HK1: variants seen among roughly 807,000 people sequenced by gnomAD.
The protein encoded by HK1 is hexokinase 1, also known as hexokinase-1.
Under a neutral mutation model 91.6 loss-of-function variants are expected in HK1, and 28 were observed. The observed-to-expected ratio is 0.31, with a 90% CI of 0.23 to 0.42. HK1 has a LOEUF of 0.42. Ranked by LOEUF, HK1 falls within the 10% of genes least tolerant of loss-of-function variation. The pLI is 1.00. For synonymous variants in HK1, 430 were observed against 468.1 expected (o/e 0.92, Z 1.05); for missense variants, 770 against 1,219.8 (o/e 0.63, Z 5.49).
intron 1 of HK1, among the ~76,000 whole-genome samples, chr10:69,273,469 G>A (rs937854859): frequency 2.0e-5 from 3 of 152,136 alleles, no homozygotes; most frequent in Admixed American, 2.0e-4. Flanking sequence ...GCCCACCTCG[G>A]CCTCCCAAAG....
upstream of HK1, chr10:69,315,948 T>C (rs765900624): frequency 9.3e-6 from 15 of 1,613,748 alleles, no homozygotes; most frequent in Non-Finnish European, 1.1e-5. Flanking sequence ...TCTGGGTGTA[T>C]ATCCAGATGG....
intron 1 of HK1, among the ~76,000 whole-genome samples, chr10:69,343,260 A>G (rs1848381633): frequency 1.3e-5 from 2 of 152,210 alleles, no homozygotes; most frequent in South Asian, 4.1e-4. Flanking sequence ...TAATAATAAT[A>G]GCTGATGTTT....
intron 15 of HK1, among the ~76,000 whole-genome samples, chr10:69,393,581 G>A (rs1186426421): frequency 6.6e-5 from 10 of 152,280 alleles, no homozygotes; most frequent in Non-Finnish European, 1.5e-4. Context: ...ATAGGCGTGA[G>A]CCACCGTGCC....
chr10:69,272,681 G>A (rs1169244811), intron 1 of HK1, among the ~76,000 whole-genome samples: 1 of 147,796 alleles, frequency 6.8e-6, no homozygotes, highest in Non-Finnish European at 1.5e-5. Context: ...CTTTCTAGCT[G>A]TTTGTAAGGG....
chr10:69,329,457 G>A (rs1238674405), intron 1 of HK1, among the ~76,000 whole-genome samples: 1 of 152,086 alleles, frequency 6.6e-6, no homozygotes, highest in Admixed American at 6.5e-5. Context: ...CACCGCGCCC[G>A]GCCAGACATG....
rs192277016 is a variant in HK1, at chr10:69,304,789, G to A, written c.27+3928G>A. On this transcript the variant is annotated intron_variant, in intron 5 of 21. Coordinates refer to the HK1 transcript ENST00000360289. ...GTTTGTGGGTCAGGAGTTGGGATAAGCTGAGCTAGGTGTCCTGCCTTGGGT... is the reference window on the plus strand; with the variant it reads ...GTTTGTGGGTCAGGAGTTGGGATAAACTGAGCTAGGTGTCCTGCCTTGGGT... 1.8e-3 allele frequency among the ~76,000 whole-genome samples: 280 copies of A among 152,332 alleles called. 1 individual carries two copies. Among genetic ancestry groups the A allele is most frequent in the African/African-American group, 6.4e-3 (268 of 41,568 alleles).
chr10:69,304,246 T>A (rs1358357342), intron 5 of HK1, among the ~76,000 whole-genome samples: 1 of 152,014 alleles, frequency 6.6e-6, no homozygotes, highest in Non-Finnish European at 1.5e-5. Flanking sequence ...GGAAAAGGGC[T>A]GTTATCATCT....
chr10:69,310,659 T>C (rs964916224), intron 5 of HK1, among the ~76,000 whole-genome samples: 1 of 152,178 alleles, frequency 6.6e-6, no homozygotes, highest in East Asian at 1.9e-4. Flanking sequence ...CAGTAGCCCA[T>C]GACACAGCCC....
At chr10:69,359,477 C>T (rs529565315) in intron 2 of HK1, among the ~76,000 whole-genome samples, 4 of 152,108 alleles carry the variant, frequency 2.6e-5, no homozygotes, top group Non-Finnish European at 5.9e-5. Flanking sequence ...CATGCAGAGA[C>T]CCAGGGCAGG....
At chr10:69,272,527 C>T (rs868366380) in intron 1 of HK1, among the ~76,000 whole-genome samples, 1 of 152,170 alleles carries the variant, frequency 6.6e-6, no homozygotes, top group Middle Eastern at 3.2e-3. Context: ...TTTAAGAATA[C>T]ACAATACACA....
At chr10:69,272,012 T>C (rs1844197102) in intron 1 of HK1, among the ~76,000 whole-genome samples, 1 of 152,126 alleles carries the variant, frequency 6.6e-6, no homozygotes, top group Non-Finnish European at 1.5e-5. Context: ...TACAGGCACC[T>C]GCCACCATGG....
chr10:69,315,614 A>G (rs1846597651), upstream of HK1, among the ~76,000 whole-genome samples: 1 of 152,216 alleles, frequency 6.6e-6, no homozygotes, highest in Non-Finnish European at 1.5e-5. Flanking sequence ...GAGGCAAATT[A>G]TTAAGGAAAT....
At chr10:69,394,058 G>T (rs921603172) in intron 15 of HK1, among the ~76,000 whole-genome samples, 16 of 152,346 alleles carry the variant, frequency 1.1e-4, no homozygotes, top group African/African-American at 3.4e-4. Flanking sequence ...ACCCCTCTGT[G>T]ATTCCATTCT....
chr10:69,346,612 T>C (rs1390869379), intron 2 of HK1, among the ~76,000 whole-genome samples: 1 of 151,954 alleles, frequency 6.6e-6, no homozygotes, highest in Non-Finnish European at 1.5e-5. Flanking sequence ...GCTCAGGCGA[T>C]CCTCCCACCT....
intron 3 of HK1, among the ~76,000 whole-genome samples, chr10:69,361,664 C>G (rs1564541366): frequency 6.6e-6 from 1 of 152,178 alleles, no homozygotes; most frequent in Non-Finnish European, 1.5e-5. Flanking sequence ...CTCTTCGTCT[C>G]TCCCAGCCTC....
intron 1 of HK1, among the ~76,000 whole-genome samples, chr10:69,322,047 G>A (rs944347253): frequency 4.6e-5 from 7 of 152,160 alleles, no homozygotes; most frequent in Non-Finnish European, 8.8e-5. Flanking sequence ...ATCTCATCTC[G>A]CCAGCTTCTT....
chr10:69,364,276 A>G (rs879840425), intron 3 of HK1, among the ~76,000 whole-genome samples: 47 of 152,288 alleles, frequency 3.1e-4, no homozygotes, highest in Admixed American at 2.7e-3. Context: ...GGTATGCATA[A>G]GACACTTCAG....
chr10:69,289,891 G>A (rs140551342), intron 3 of HK1, among the ~76,000 whole-genome samples: 60 of 151,694 alleles, frequency 4.0e-4, no homozygotes, highest in Middle Eastern at 6.8e-3. Flanking sequence ...AAAGTGTTGG[G>A]ATTACAGTGT....
chr10:69,322,717 C>T (rs1847111149), intron 1 of HK1, among the ~76,000 whole-genome samples: 1 of 151,300 alleles, frequency 6.6e-6, no homozygotes, highest in Admixed American at 6.6e-5. Context: ...ATGGAGAAAC[C>T]CCGTCTCTAC....
Sources: gnomAD v4.1 joint callset for allele counts (sites outside exome capture counted in the v4.1 genomes callset) on GRCh38, gnomAD v4.1.1 for gene constraint, MANE v1.5 for transcripts, NCBI Gene and HGNC (gene_info 2026-07-23, HGNC 2026-07-21) for gene names.